Variants in DACH1 observed in about 807,000 individuals in gnomAD.
DACH1 encodes the protein dachshund family transcription factor 1.
DACH1 carries 12 observed loss-of-function variants against 54.2 expected under a neutral mutation model. The observed-to-expected ratio is 0.22, with a 90% CI of 0.14 to 0.36. The LOEUF is 0.36. Among genes scored for constraint, DACH1 ranks in the 10% least tolerant of loss-of-function variants. DACH1 has a pLI of 1.00. For synonymous variants in DACH1, 386 were observed against 366.2 expected (o/e 1.05, Z -0.62); for missense variants, 805 against 929.8 (o/e 0.87, Z 1.75).
At chr13:71,818,992 G>T (rs867581169) in intron 1 of DACH1, among the ~76,000 whole-genome samples, 18 of 152,200 alleles carry the variant, frequency 1.2e-4, no homozygotes, top group Non-Finnish European at 2.5e-4. Flanking sequence ...ACTGGAGAGA[G>T]TTAGATGATG....
chr13:71,807,519 G>C (rs1566513005), intron 1 of DACH1, among the ~76,000 whole-genome samples: 3 of 150,932 alleles, frequency 2.0e-5, no homozygotes, highest in Admixed American at 6.6e-5. Context: ...AACTCAGAGA[G>C]AAAACAGAGT....
At chr13:71,746,298 A>G (rs1279635692) in intron 1 of DACH1, among the ~76,000 whole-genome samples, 1 of 152,198 alleles carries the variant, frequency 6.6e-6, no homozygotes, top group Non-Finnish European at 1.5e-5. Flanking sequence ...GAGGAAACCC[A>G]TAGATAGGAA....
rs1882329302 is a variant in DACH1 at position 71,530,331 on chromosome 13, CTT to C, written c.1570+26691_1570+26692del. Among the ~76,000 whole-genome samples, 3 of 152,072 alleles carry C rather than the reference CTT, an allele frequency of 2.0e-5. No homozygotes were observed. The South Asian group carries it at 6.2e-4, about 32-fold the overall frequency. ...GTTTTCATAATTGTTCTTGTGTACT[CTT>C]TGCTGTCTGTTCTACAGTTTACTAA... On this transcript the variant is annotated intron_variant, in intron 6 of 10. Transcript: ENST00000613252.
chr13:71,487,585 G>T (rs2138200427), intron 7 of DACH1, among the ~76,000 whole-genome samples: 1 of 152,276 alleles, frequency 6.6e-6, no homozygotes, highest in Admixed American at 6.5e-5. Flanking sequence ...TGTCAAACCT[G>T]CTCTTCAGAT....
At chr13:71,640,370 G>A (rs934797242) in intron 2 of DACH1, among the ~76,000 whole-genome samples, 1 of 151,910 alleles carries the variant, frequency 6.6e-6, no homozygotes, top group East Asian at 1.9e-4. Context: ...AATGACCATT[G>A]AACTTTATGC....
rs560928260 is a variant in DACH1 at position 71,773,540 on chromosome 13, C to T, written c.849-91630G>A. On this transcript the variant is annotated intron_variant, in intron 1 of 10. Transcript: ENST00000613252. ...AAACCAAAGCACCAATTTTTGGTAA[C>T]GATCACTAACACTTGGCCCCAAGAC... Among the ~76,000 whole-genome samples the T allele has an allele frequency of 9.2e-5, 14 of 152,032 alleles. No homozygotes were observed. In the South Asian group the frequency reaches 1.0e-3, roughly 11 times the overall value.
chr13:71,632,899 C>A (rs1022303998), intron 2 of DACH1, among the ~76,000 whole-genome samples: 1 of 152,150 alleles, frequency 6.6e-6, no homozygotes, highest in Non-Finnish European at 1.5e-5. Context: ...CCCAATTACT[C>A]ATTTCCTTCA....
chr13:71,564,521 CA>C (rs1047297133), intron 4 of DACH1, among the ~76,000 whole-genome samples: 2 of 145,368 alleles, frequency 1.4e-5, no homozygotes, highest in Non-Finnish European at 3.0e-5. Flanking sequence ...AACCGGAGGA[CA>C]AAAAAGGAAA....
At chr13:71,465,316 T>C (rs1876471136) in intron 10 of DACH1, among the ~76,000 whole-genome samples, 1 of 152,022 alleles carries the variant, frequency 6.6e-6, no homozygotes, top group African/African-American at 2.4e-5. Flanking sequence ...AAAATGGGGG[T>C]TCTTTTTCTG....
chr13:71,725,926 T>G (rs990763804), intron 1 of DACH1, among the ~76,000 whole-genome samples: 2 of 152,124 alleles, frequency 1.3e-5, no homozygotes. Context: ...CTCCACAAAG[T>G]TATGTATTTG....
chr13:71,768,290 C>A (rs1405755990), intron 1 of DACH1, among the ~76,000 whole-genome samples: 1 of 140,580 alleles, frequency 7.1e-6, no homozygotes, highest in East Asian at 1.9e-4. Flanking sequence ...CTTTTTGGAA[C>A]AAGTATAAGG....
chr13:71,479,260 C>A lies in DACH1; in HGVS notation c.1779G>T (p.Leu593=), dbSNP rs1432408637. 1 of 1,613,428 alleles carries A rather than the reference C, an allele frequency of 6.2e-7. No individual in the cohort carries two copies. Among genetic ancestry groups the A allele is most frequent in the Non-Finnish European group, 8.5e-7 (1 of 1,179,784 alleles). Residue 593 remains leucine, a synonymous_variant, in exon 8 of 11, where the codon CTG becomes CTT. Coordinates refer to ENST00000613252, the MANE Select transcript of DACH1 (RefSeq NM_080759.6). The part of the protein sequence containing the change: ...NARAQEKQVQ[L]EKTELKMDFL... ...AATCCATCTTCAGCTCAGTTTTTTC[C>A]AGTTGGACCTGTTTCTCTTGAGCTC...
At chr13:71,694,770 T>C (rs1881735179) in intron 1 of DACH1, among the ~76,000 whole-genome samples, 1 of 152,206 alleles carries the variant, frequency 6.6e-6, no homozygotes, top group South Asian at 2.1e-4. Flanking sequence ...CTGAATCATA[T>C]TTTAAAATAC....
At chr13:71,505,907 A>C (rs1036509751) in intron 6 of DACH1, among the ~76,000 whole-genome samples, 1 of 152,124 alleles carries the variant, frequency 6.6e-6, no homozygotes, top group African/African-American at 2.4e-5. Context: ...TTGACTAAAA[A>C]TTTAAAAATA....
At chr13:71,462,098 T>C (rs1876127941) in intron 10 of DACH1, among the ~76,000 whole-genome samples, 1 of 151,946 alleles carries the variant, frequency 6.6e-6, no homozygotes, top group Non-Finnish European at 1.5e-5. Context: ...GTAGCCATCA[T>C]TCATCGTTTT....
At chr13:71,860,649 GAGAC>G (rs1874292299) in intron 1 of DACH1, among the ~76,000 whole-genome samples, 1 of 151,840 alleles carries the variant, frequency 6.6e-6, no homozygotes, top group Non-Finnish European at 1.5e-5. Flanking sequence ...GATTCAAAGG[GAGAC>G]AGTTTACAAC....
intron 1 of DACH1, among the ~76,000 whole-genome samples, chr13:71,786,460 T>C (rs1160427161): frequency 2.0e-5 from 3 of 152,048 alleles, no homozygotes; most frequent in African/African-American, 7.2e-5. Context: ...AAAATATTTA[T>C]TGTAGATCTA....
At chr13:71,704,315 A>G in intron 1 of DACH1, 1 of 383,282 alleles carries the variant, frequency 2.6e-6, no homozygotes, top group Non-Finnish European at 5.0e-6. Flanking sequence ...GAGAATGCGT[A>G]CTGTTCAAAA....
chr13:71,523,830 A>G (rs990702471), intron 6 of DACH1, among the ~76,000 whole-genome samples: 2 of 152,148 alleles, frequency 1.3e-5, no homozygotes, highest in Non-Finnish European at 2.9e-5. Context: ...TGTCATAAAC[A>G]GGAAAAAGAA....
Sources: allele counts gnomAD v4.1 joint callset (sites outside exome capture counted in the v4.1 genomes callset), GRCh38; gene constraint gnomAD v4.1.1; transcripts MANE v1.5; gene names NCBI Gene and HGNC (gene_info 2026-07-23, HGNC 2026-07-21).